The following KCTD2 variants were observed in gnomAD, a reference collection of about 807,000 sequenced individuals.
KCTD2 encodes potassium channel tetramerization domain containing 2.
In KCTD2, 18 loss-of-function variants were observed where a neutral mutation model predicts 27.9. The observed-to-expected ratio is 0.64, with a 90% confidence interval of 0.45 to 0.96. The LOEUF (loss-of-function observed/expected upper bound fraction) is 0.96, where lower values mean the gene tolerates loss of function less well. Among genes scored for constraint, KCTD2 ranks in the 40% least tolerant of loss-of-function variants. The pLI, the probability that KCTD2 is intolerant of heterozygous loss-of-function variation, is 0.00. For missense variants in KCTD2, 280 were observed against 348.0 expected (o/e 0.80, Z 1.56); for synonymous variants, 175 against 148.4 (o/e 1.18, Z -1.30).
rs58323152 is a variant in KCTD2 at position 75,036,045 on chromosome 17, AT to A, written c.-259+698del. 2.8e-4 allele frequency: 121 copies of A among 438,146 alleles called. 1 individual carries two copies. The highest frequency in any genetic ancestry group is 9.9e-4 in the South Asian group (61 of 61,842). 27.1% of individuals were successfully genotyped at this position (438,146 alleles called of 1,614,324 possible). ...TGGACATAGGGGAGAATAAATGCTA[AT>A]TTTTTTTTTCTTTTTCTTCTTCCCT... is the stretch of plus-strand genomic sequence containing the variant. On this transcript the variant is annotated intron_variant, in intron 3 of 7. Transcript: ENST00000581589.
chr17:75,060,050 C>T (rs532957124), intron 4 of KCTD2, among the ~76,000 whole-genome samples: 2 of 152,074 alleles, frequency 1.3e-5, no homozygotes, highest in South Asian at 4.1e-4. Flanking sequence ...AAGGATCAGG[C>T]GCCATGGGAA....
exon 3 of KCTD2, chr17:75,035,284 T>G (rs568387068): frequency 6.6e-6 from 1 of 152,130 alleles, no homozygotes; most frequent in East Asian, 1.9e-4. Flanking sequence ...GATCCGAAGC[T>G]GGGGAGCTGC....
chr17:75,039,646 A>G, intron 3 of KCTD2: 1 of 282,220 alleles, frequency 3.5e-6, no homozygotes, highest in Non-Finnish European at 6.7e-6. Context: ...CAGTGCTTTC[A>G]AGCAAATAAT....
At chr17:75,042,775 A>G (rs2073173881), upstream of KCTD2, 1 of 1,102,498 alleles carries the variant, frequency 9.1e-7, no homozygotes, top group Admixed American at 2.5e-5. Flanking sequence ...TCTTAGAAAC[A>G]TGCAAGTCTT....
intron 3 of KCTD2, among the ~76,000 whole-genome samples, chr17:75,057,279 T>G (rs574004029): frequency 2.0e-5 from 3 of 151,990 alleles, no homozygotes. Flanking sequence ...TAGTATTTTT[T>G]GTAGGTGATT....
Position 75,047,471 on chromosome 17 carries a change from T to G in KCTD2, c.221T>G (p.Val74Gly). The G allele has an allele frequency of 6.4e-7, 1 of 1,574,536 alleles. No homozygotes were observed. ...RAGGGGAARW[V>G]RLNVGGTYFV... ...GGGGGCGGCGGCGCGGCCCGCTGGGTCAGGCTGAACGTGGGAGGCACCTAC... is the reference window on the plus strand; with the variant it reads ...GGGGGCGGCGGCGCGGCCCGCTGGGGCAGGCTGAACGTGGGAGGCACCTAC... The change falls in exon 1 of 6, where the codon GTC (valine) becomes GGC (glycine). Residue 74 changes from valine to glycine, a missense_variant. By Grantham distance (109) the Val-to-Gly change is moderately radical. Transcript: ENST00000322444.
chr17:75,052,683 A>G (rs1022785012), intron 2 of KCTD2, among the ~76,000 whole-genome samples: 7 of 152,194 alleles, frequency 4.6e-5, no homozygotes, highest in Admixed American at 1.3e-4. Context: ...AGATCATGCC[A>G]TTGCACTCCA....
At chr17:75,060,646 C>G (rs2073395385) in intron 4 of KCTD2, 3 of 1,555,178 alleles carry the variant, frequency 1.9e-6, no homozygotes, top group African/African-American at 1.4e-5. Flanking sequence ...GCGAGTGGGC[C>G]CGGCCAGGGA....
At chr17:75,053,735 G>T (rs530974857) in intron 3 of KCTD2, among the ~76,000 whole-genome samples, 1 of 151,662 alleles carries the variant, frequency 6.6e-6, no homozygotes, top group Non-Finnish European at 1.5e-5. Flanking sequence ...GAGGCACTGC[G>T]CCCAGCTTGG....
At chr17:75,038,955 G>A in intron 3 of KCTD2, 3 of 1,613,708 alleles carry the variant, frequency 1.9e-6, no homozygotes, top group Non-Finnish European at 2.5e-6. Flanking sequence ...ATTGGTTGGT[G>A]AGGCCAATAG....
chr17:75,044,199 ATTTTT>A (rs755560156), upstream of KCTD2, among the ~76,000 whole-genome samples: 2 of 94,694 alleles, frequency 2.1e-5, no homozygotes. Flanking sequence ...TAATTTTTGT[ATTTTT>A]TTTTTTTTTT....
At chr17:75,042,829 C>T (rs1443221828), upstream of KCTD2, among the ~76,000 whole-genome samples, 5 of 150,482 alleles carry the variant, frequency 3.3e-5, no homozygotes, top group African/African-American at 7.4e-5. Flanking sequence ...TGCAGTGAGT[C>T]GAGACTGCAT....
chr17:75,053,933 G>A (rs959803616), intron 3 of KCTD2, among the ~76,000 whole-genome samples: 19 of 144,188 alleles, frequency 1.3e-4, no homozygotes, highest in African/African-American at 5.1e-4. Context: ...AAAGTGCTAG[G>A]ATTACAGGAG....
upstream of KCTD2, chr17:75,047,084 G>A (rs1312604293): frequency 1.1e-5 from 3 of 276,154 alleles, no homozygotes; most frequent in Admixed American, 1.1e-4. Flanking sequence ...CTTCCCGGGG[G>A]CGGGCACAGC....
intron 3 of KCTD2, among the ~76,000 whole-genome samples, chr17:75,037,158 C>T (rs1248171678): frequency 1.3e-5 from 2 of 152,172 alleles, no homozygotes; most frequent in African/African-American, 4.8e-5. Flanking sequence ...TCCTGCCTAA[C>T]ACGATGAAAC....
intron 1 of KCTD2, 111 bp downstream of exon 1, chr17:75,047,700 G>A: frequency 1.9e-6 from 2 of 1,079,280 alleles, no homozygotes. Context: ...CTCAGGCCGG[G>A]ACCCCATCCT....
At chr17:75,051,187 A>T (rs1215614088) in intron 2 of KCTD2, among the ~76,000 whole-genome samples, 3 of 148,526 alleles carry the variant, frequency 2.0e-5, no homozygotes, top group Admixed American at 6.7e-5. Flanking sequence ...ATTAGCCAGG[A>T]TGGTCTCATC....
intron 5 of KCTD2, 76 bp downstream of exon 5, chr17:75,062,321 T>C: frequency 7.0e-7 from 1 of 1,435,090 alleles, no homozygotes; most frequent in Non-Finnish European, 9.4e-7. Context: ...TCCTGAACTC[T>C]TGCTCCTCAC....
chr17:75,045,843 G>A (rs2073209461), upstream of KCTD2, among the ~76,000 whole-genome samples: 1 of 152,196 alleles, frequency 6.6e-6, no homozygotes, highest in Non-Finnish European at 1.5e-5. Flanking sequence ...GACAGGCATA[G>A]GAAATCAGAA....
Sources: allele counts gnomAD v4.1 joint callset (sites outside exome capture counted in the v4.1 genomes callset), GRCh38; gene constraint gnomAD v4.1.1; transcripts MANE v1.5; gene names NCBI Gene and HGNC (gene_info 2026-07-23, HGNC 2026-07-21).